ZBTB11: variants seen among roughly 807,000 people sequenced by gnomAD.
ZBTB11 encodes zinc finger and BTB domain-containing protein 11.
A neutral mutation model predicts 113.1 loss-of-function variants in ZBTB11; 68 were observed. The observed-to-expected ratio is 0.60, with a 90% CI of 0.49 to 0.74. ZBTB11 has a LOEUF of 0.74. Ranked by LOEUF, ZBTB11 falls within the 30% of genes least tolerant of loss-of-function variation. The pLI is 0.00. For synonymous variants in ZBTB11, 518 were observed against 452.6 expected, an observed-to-expected ratio of 1.14 and a Z score of -1.83; for missense variants, 1,104 against 1,279.4, an observed-to-expected ratio of 0.86 and a Z score of 2.09.
chr3:101,657,317 G>A (rs1936816178), intron 6 of ZBTB11, among the ~76,000 whole-genome samples: 2 of 151,524 alleles, frequency 1.3e-5, no homozygotes, highest in Non-Finnish European at 1.5e-5. Context: ...ACTGGCCTGG[G>A]CAACATGGTG....
At chr3:101,673,519 C>CTT (rs34431886) in intron 1 of ZBTB11, among the ~76,000 whole-genome samples, 237 of 148,224 alleles carry the variant, frequency 1.6e-3, no homozygotes, top group Middle Eastern at 3.5e-3. Flanking sequence ...GCTCCTTACA[C>CTT]TTTTTTTTTT....
At chr3:101,668,307 A>T (rs995778865) in intron 3 of ZBTB11, among the ~76,000 whole-genome samples, 1 of 152,170 alleles carries the variant, frequency 6.6e-6, no homozygotes, top group Non-Finnish European at 1.5e-5. Context: ...ACCGCAAGGT[A>T]TATAGTTAAC....
intron 3 of ZBTB11, among the ~76,000 whole-genome samples, chr3:101,668,676 T>C (rs1576651440): frequency 6.7e-6 from 1 of 150,026 alleles, no homozygotes; most frequent in South Asian, 2.1e-4. Flanking sequence ...CAAAGAAAGG[T>C]GAATGTTTGA....
intron 1 of ZBTB11, among the ~76,000 whole-genome samples, chr3:101,672,421 T>TA (rs1250338403): frequency 6.6e-6 from 1 of 152,162 alleles, no homozygotes; most frequent in Non-Finnish European, 1.5e-5. Flanking sequence ...AGGTAATTTT[T>TA]TTTATTTATT....
rs76876070 is a variant in ZBTB11 at position 101,664,591 on chromosome 3, C to T, written c.1747G>A (p.Ala583Thr). 1.6e-4 allele frequency: 260 copies of T among 1,613,722 alleles called. No individual in the cohort carries two copies. Among genetic ancestry groups the T allele is most frequent in the East Asian group, 3.8e-4 (17 of 44,826 alleles). ...TGTTTCAGTTTGTGCATTATAAGGGCGTATCGTCTCTGAAAAACCATTCCA... is the reference window on the plus strand; with the variant it reads ...TGTTTCAGTTTGTGCATTATAAGGGTGTATCGTCTCTGAAAAACCATTCCA... ...ECGMVFQRRYALIMHKLKHER... is the reference protein window; with the variant it reads ...ECGMVFQRRYTLIMHKLKHER... The change falls in exon 5 of 11, where the codon GCC (alanine) becomes ACC (threonine). Residue 583 changes from alanine (A) to threonine (T), a missense_variant. Physicochemically the swap from Ala to Thr is moderately conservative, Grantham distance 58. This residue lies in a region of ZBTB11 where 535 missense variants were observed against 518.6 expected (regional missense o/e 1.03). Transcript: ENST00000312938.
At chr3:101,654,063 G>A (rs1237636747) in intron 8 of ZBTB11, among the ~76,000 whole-genome samples, 9 of 150,320 alleles carry the variant, frequency 6.0e-5, no homozygotes, top group South Asian at 2.1e-4. Context: ...TTTTTGAGGC[G>A]GAGACTCACT....
intron 3 of ZBTB11, chr3:101,670,500 A>G (rs1937071104): frequency 6.6e-6 from 1 of 152,234 alleles, no homozygotes; most frequent in South Asian, 2.1e-4. Context: ...TGACTTTTCT[A>G]TATTGATAAT....
At chr3:101,663,439 T>A (rs1349697234) in intron 5 of ZBTB11, among the ~76,000 whole-genome samples, 1 of 152,218 alleles carries the variant, frequency 6.6e-6, no homozygotes, top group African/African-American at 2.4e-5. Flanking sequence ...TATTTCAGAA[T>A]AAGATATTAA....
At chr3:101,657,375 G>A (rs1177816421) in intron 6 of ZBTB11, among the ~76,000 whole-genome samples, 3 of 150,758 alleles carry the variant, frequency 2.0e-5, no homozygotes, top group South Asian at 2.1e-4. Context: ...GCGTGGTGGC[G>A]TGTGCCTGTA....
At chr3:101,653,850 C>T (rs1044499575) in intron 8 of ZBTB11, among the ~76,000 whole-genome samples, 1 of 152,106 alleles carries the variant, frequency 6.6e-6, no homozygotes, top group Non-Finnish European at 1.5e-5. Context: ...TGATGTACCC[C>T]TGAACCTAAA....
At chr3:101,661,958 T>C (rs1376880869) in intron 5 of ZBTB11, 1 of 152,050 alleles carries the variant, frequency 6.6e-6, no homozygotes, top group African/African-American at 2.4e-5. Flanking sequence ...TTTTCCAACT[T>C]TTCTGAGATT....
chr3:101,669,563 T>G (rs1401504740), intron 3 of ZBTB11, among the ~76,000 whole-genome samples: 1 of 152,154 alleles, frequency 6.6e-6, no homozygotes, highest in Non-Finnish European at 1.5e-5. Context: ...TTCAGATGCA[T>G]GAAATATAGG....
chr3:101,654,667 T>C lies in ZBTB11; in HGVS notation c.2309+37A>G, dbSNP rs1234180896. The C allele has an allele frequency of 3.3e-6, 5 of 1,529,804 alleles. No homozygotes were observed. In the Admixed American group the frequency reaches 5.7e-5, roughly 17 times the overall value. 94.8% of individuals were successfully genotyped at this position (1,529,804 alleles called of 1,614,324 possible). Reference sequence around the variant, plus strand: ...TTTTGAAAACTGAGTAAAAACATAATTAAATTAACTGAATGCCTCACATAT... The same window carrying C: ...TTTTGAAAACTGAGTAAAAACATAACTAAATTAACTGAATGCCTCACATAT... On this transcript the variant is annotated intron_variant, in intron 8 of 10. Coordinates refer to ENST00000312938, the MANE Select transcript of ZBTB11 (RefSeq NM_014415.4).
chr3:101,673,159 G>C lies in ZBTB11; in HGVS notation c.311-946C>G, dbSNP rs528316545. ...TTCCAGCTCCCAGCATGCTAGGGTA[G>C]GGGTGAGGAGGCAGGGACAAGGCTT... On this transcript the variant is annotated intron_variant, in intron 1 of 10. Transcript: ENST00000312938. Among the ~76,000 whole-genome samples, 6 of 152,314 alleles carry C rather than the reference G, an allele frequency of 3.9e-5. No homozygotes were observed. In the South Asian group the frequency reaches 1.0e-3, roughly 26 times the overall value.
In ZBTB11 at chr3:101,652,557, T is replaced by C. The variant is rs1313827469; in HGVS notation, c.2583A>G (p.Glu861=). The C allele has an allele frequency of 4.3e-6, 7 of 1,614,066 alleles. No homozygotes were observed. The highest frequency in any genetic ancestry group is 5.9e-6 in the Non-Finnish European group (7 of 1,180,020). Residue 861 remains glutamate (E), a synonymous_variant, in exon 10 of 11, where the codon GAA becomes GAG. Transcript: ENST00000312938. ...GCTGAGTGAATTTTCTTCCACATTT[T>C]TCACACACCCGTTCCAGGTTTTGCT... ...RAKQNLERVC[E]KCGRKFTQLR...
Position 101,665,230 on chromosome 3 carries a change from C to T in ZBTB11, c.1357G>A (p.Asp453Asn). The change falls in exon 4 of 11, where the codon GAT (aspartate) becomes AAT (asparagine). Residue 453 changes from aspartate to asparagine, a missense_variant. Around this residue, in one of 5 missense-constraint regions of ZBTB11, gnomAD observed 535 missense variants for 518.6 expected, o/e 1.03. Transcript: ENST00000312938. ...KENVISSSPE[D>N]SGMGNDISAE... is the part of the protein sequence containing the mutation. ...GATATATCATTTCCCATACCACTAT[C>T]CTCTGGCGAGCTACTAATTACATTC... The T allele has an allele frequency of 6.2e-7, 1 of 1,614,200 alleles. No homozygotes were observed. Among genetic ancestry groups the T allele is most frequent in the Non-Finnish European group, 8.5e-7 (1 of 1,180,038 alleles).
At chr3:101,675,376 A>G (rs554016716) in intron 1 of ZBTB11, among the ~76,000 whole-genome samples, 6 of 152,384 alleles carry the variant, frequency 3.9e-5, no homozygotes, top group South Asian at 2.1e-4. Flanking sequence ...TGATTATCCA[A>G]TAGTTCGTAA....
intron 6 of ZBTB11, among the ~76,000 whole-genome samples, chr3:101,658,212 C>T (rs1014718004): frequency 6.6e-6 from 1 of 151,582 alleles, no homozygotes; most frequent in Admixed American, 6.6e-5. Context: ...AGACCACTAC[C>T]TCTTTTAAAA....
Position 101,671,129 on chromosome 3 carries a change from C to A in ZBTB11, c.778+1G>T. Reference sequence around the variant, plus strand: ...AAGCAAGAGTAATACAAAACCCTTACCAGAAAGATCCACCACAGCCTCATG... The same window carrying A: ...AAGCAAGAGTAATACAAAACCCTTAACAGAAAGATCCACCACAGCCTCATG... On this transcript the variant is annotated splice_donor_variant, in intron 3 of 10. Transcript: ENST00000312938. LOFTEE classifies it high-confidence loss of function. The A allele has an allele frequency of 6.2e-7, 1 of 1,612,136 alleles. No individual in the cohort carries two copies. Among genetic ancestry groups the A allele is most frequent in the South Asian group, 1.1e-5 (1 of 91,014 alleles).
Sources: gnomAD v4.1 joint callset for allele counts (sites outside exome capture counted in the v4.1 genomes callset) on GRCh38, gnomAD v4.1.1 for gene constraint, gnomAD v4.1.1 regional missense constraint, MANE v1.5 for transcripts, NCBI Gene and HGNC (gene_info 2026-07-23, HGNC 2026-07-21) for gene names.